RAD51D: variants seen among roughly 807,000 people sequenced by gnomAD.
RAD51D encodes the protein DNA repair protein RAD51 homolog 4.
Under a neutral mutation model 44.1 loss-of-function variants are expected in RAD51D, and 38 were observed. The observed-to-expected ratio is 0.86, with a 90% CI of 0.67 to 1.13. The LOEUF (loss-of-function observed/expected upper bound fraction) is 1.13, where lower values mean the gene tolerates loss of function less well. Ranked by LOEUF, RAD51D falls within the 50% of genes most tolerant of loss-of-function variation. The probability of loss-of-function intolerance (pLI) is 0.00; values close to 1 mark genes in which losing one functional copy is unlikely to be tolerated. For synonymous variants in RAD51D, 141 were observed against 166.6 expected (o/e 0.85, Z 1.18); for missense variants, 390 against 414.0 (o/e 0.94, Z 0.50).
chr17:35,106,493 G>C lies in RAD51D; in HGVS notation c.481-12C>G. Reference sequence around the variant, plus strand: ...CGGAGAGCTTCTGCCTGAAGCGGTGGAAAAGAAAAGCAAGGACTTTGGATA... The same window carrying C: ...CGGAGAGCTTCTGCCTGAAGCGGTGCAAAAGAAAAGCAAGGACTTTGGATA... On this transcript the variant is annotated splice_polypyrimidine_tract_variant and intron_variant, in intron 5 of 9. Transcript: ENST00000345365. The C allele has an allele frequency of 6.2e-7, 1 of 1,601,896 alleles. No homozygotes were observed. Among genetic ancestry groups the C allele is most frequent in the South Asian group, 1.1e-5 (1 of 89,840 alleles).
intron 6 of RAD51D, among the ~76,000 whole-genome samples, chr17:35,104,605 G>A (rs958217861): frequency 6.6e-6 from 1 of 152,132 alleles, no homozygotes. Context: ...GGCTGGTCTC[G>A]AAATCCGGCC....
intron 3 of RAD51D, among the ~76,000 whole-genome samples, chr17:35,111,252 G>GTGCC (rs1305941745): frequency 1.3e-5 from 2 of 150,044 alleles, no homozygotes; most frequent in Non-Finnish European, 3.0e-5. Context: ...CTGGTGGCAT[G>GTGCC]TGCCTGTAGG....
At chr17:35,107,307 G>A in intron 4 of RAD51D, 59 bp downstream of exon 4, 1 of 1,492,670 alleles carries the variant, frequency 6.7e-7, no homozygotes, top group Non-Finnish European at 9.3e-7. Flanking sequence ...CAGGGACCCT[G>A]GGCTATGCAT....
At chr17:35,105,970 T>C (rs990203883) in intron 6 of RAD51D, among the ~76,000 whole-genome samples, 1 of 152,106 alleles carries the variant, frequency 6.6e-6, no homozygotes, top group Admixed American at 6.6e-5. Context: ...TTTGCAACCA[T>C]GAGGGGAAGA....
chr17:35,099,110 T>G lies in RAD51D; in HGVS notation c.*1843A>C, dbSNP rs1260771388. 6.6e-6 allele frequency: 1 copy of G among 152,202 alleles called. No homozygotes were observed. The highest frequency in any genetic ancestry group is 1.9e-4 in the East Asian group (1 of 5,196). 9.4% of individuals were successfully genotyped at this position (152,202 alleles called of 1,614,324 possible). On this transcript the variant is annotated 3_prime_UTR_variant, in exon 10 of 10. Coordinates refer to ENST00000345365, the MANE Select transcript of RAD51D (RefSeq NM_002878.4). ...CTCAAGTGATCCTCCCGCCTCAGGC[T>G]CCCAAAGTGCTACCATTATAGGTGT... is the stretch of plus-strand genomic sequence containing the variant.
intron 3 of RAD51D, among the ~76,000 whole-genome samples, chr17:35,114,919 G>A (rs2091718922): frequency 6.6e-6 from 1 of 151,620 alleles, no homozygotes; most frequent in South Asian, 2.1e-4. Flanking sequence ...TGATTCTAAC[G>A]TGCAGCTGGG....
chr17:35,117,073 A>G (rs778737382), intron 3 of RAD51D: 14 of 1,580,778 alleles, frequency 8.9e-6, no homozygotes, highest in Middle Eastern at 1.7e-4. Context: ...CCCAAGGCCA[A>G]TCGGCTTCCT....
rs56026142 is a variant in RAD51D, at chr17:35,118,568, C to A, written c.196G>T (p.Val66Leu). 1.2e-6 allele frequency: 2 copies of A among 1,614,178 alleles called. No homozygotes were observed. The highest frequency in any genetic ancestry group is 1.3e-5 in the African/African-American group (1 of 75,058). The part of the protein sequence containing the change: ...VLLAQFSAFP[V>L]NGADLYEELK... ...TCCTCGTAGAGATCAGCGCCATTCA[C>A]GGGGAAAGCCGAGAACTGAGCCAGC... Residue 66 changes from valine (V) to leucine (L), a missense_variant, in exon 3 of 10, where the codon GTG (valine) becomes TTG (leucine). By Grantham distance (32) the Val-to-Leu change is conservative. Coordinates refer to ENST00000345365, the MANE Select transcript of RAD51D (RefSeq NM_002878.4).
In RAD51D at chr17:35,119,779, G is replaced by A. The variant is rs773865168; in HGVS notation, c.-166C>T. 285 of 751,924 alleles carry A rather than the reference G, an allele frequency of 3.8e-4. 2 individuals are homozygous for A. The highest frequency in any genetic ancestry group is 4.0e-4 in the Non-Finnish European group (173 of 433,758). 46.6% of individuals were successfully genotyped at this position (751,924 alleles called of 1,614,324 possible). On this transcript the variant is annotated 5_prime_UTR_variant, in exon 1 of 10. Coordinates refer to ENST00000345365, the MANE Select transcript of RAD51D (RefSeq NM_002878.4). ...AGGAGGCGGCACCAAGGGTAGGGCT[G>A]GGGGTCATCCGCCCGCCCGGGATCC...
chr17:35,119,282 C>A, intron 1 of RAD51D, 110 bp from the exon 2 acceptor site: 1 of 1,075,798 alleles, frequency 9.3e-7, no homozygotes. Context: ...GGCAGGCCGT[C>A]TCAGGAGGCC....
chr17:35,116,854 T>C (rs936659625), intron 3 of RAD51D: 15 of 1,514,366 alleles, frequency 9.9e-6, no homozygotes, highest in East Asian at 2.4e-5. Flanking sequence ...AATGAAATAA[T>C]GTACCGTGAA....
At position 35,101,046 on chromosome 17, in the gene RAD51D, GAAGT is replaced by G. The variant is rs1357935702; in HGVS notation, c.904-14_904-11del. On this transcript the variant is annotated splice_polypyrimidine_tract_variant and intron_variant, in intron 9 of 9. Coordinates refer to ENST00000345365, the MANE Select transcript of RAD51D (RefSeq NM_002878.4). ...CCTGGAAACCTGTTGGCTGGAAGAA[GAAGT>G]AAGGAGTCAGTGGAGTTAAGCAACC... 2 of 1,612,086 alleles carry G rather than the reference GAAGT, an allele frequency of 1.2e-6. No individual in the cohort carries two copies. The highest frequency in any genetic ancestry group is 1.7e-6 in the Non-Finnish European group (2 of 1,178,204).
intron 4 of RAD51D, 104 bp from the exon 5 acceptor site, chr17:35,107,226 C>A: frequency 1.3e-6 from 2 of 1,498,758 alleles, no homozygotes; most frequent in South Asian, 2.3e-5. Context: ...TGGGCTGAGT[C>A]CCGACCCCAT....
intron 3 of RAD51D, among the ~76,000 whole-genome samples, chr17:35,111,276 C>T (rs2091672216): frequency 6.6e-6 from 1 of 151,046 alleles, no homozygotes; most frequent in South Asian, 2.1e-4. Flanking sequence ...ATCGCTTGAA[C>T]CCGGGAGGCG....
At position 35,106,383 on chromosome 17, in the gene RAD51D, C is replaced by A; in HGVS notation, c.576+3G>T. ...GCAAGGAGGGGCAGAACAGCAGGCTCACCTGCTGGGCCACAGTGCCTCGGA... is the reference window on the plus strand; with the variant it reads ...GCAAGGAGGGGCAGAACAGCAGGCTAACCTGCTGGGCCACAGTGCCTCGGA... On this transcript the variant is annotated splice_donor_region_variant and intron_variant, in intron 6 of 9. Transcript: ENST00000345365. The A allele has an allele frequency of 6.2e-7, 1 of 1,611,206 alleles. No individual in the cohort carries two copies. Among genetic ancestry groups the A allele is most frequent in the Non-Finnish European group, 8.5e-7 (1 of 1,177,976 alleles).
chr17:35,109,724 A>G (rs2091652416), intron 3 of RAD51D, among the ~76,000 whole-genome samples: 1 of 151,706 alleles, frequency 6.6e-6, no homozygotes, highest in Non-Finnish European at 1.5e-5. Context: ...ATGGAGTGCA[A>G]TGGCGTGATC....
intron 3 of RAD51D, chr17:35,116,859 C>T (rs773367679): frequency 2.6e-6 from 4 of 1,522,648 alleles, no homozygotes; most frequent in East Asian, 2.4e-5. Context: ...AATAATGTAC[C>T]GTGAAGTGCT....
At chr17:35,111,354 C>CAAAAA (rs60278898) in intron 3 of RAD51D, among the ~76,000 whole-genome samples, 129 of 127,388 alleles carry the variant, frequency 1.0e-3, no homozygotes, top group African/African-American at 3.6e-3. Flanking sequence ...AACTCCATCT[C>CAAAAA]AAAAAAAAAA....
rs2142480259 is a variant in RAD51D at position 35,119,547 on chromosome 17, G to C, written c.67C>G (p.His23Asp). ...TEEMIQLLRS[H>D]RIKTVVDLVS... ...ACCCGGTCACCTGTCTTGATCCTGT[G>C]GCTCCTGAGAAGCTGGATCATCTCC... Residue 23 changes from histidine (H) to aspartate (D), a missense_variant, in exon 1 of 10, where the codon CAC (histidine) becomes GAC (aspartate). His to Asp is a moderately conservative substitution (Grantham distance 81). Coordinates refer to ENST00000345365, the MANE Select transcript of RAD51D (RefSeq NM_002878.4). 1 of 1,612,460 alleles carries C rather than the reference G, an allele frequency of 6.2e-7. No individual in the cohort carries two copies. The highest frequency in any genetic ancestry group is 8.5e-7 in the Non-Finnish European group (1 of 1,179,922).
Sources: gnomAD v4.1 joint callset for allele counts (sites outside exome capture counted in the v4.1 genomes callset) on GRCh38, gnomAD v4.1.1 for gene constraint, MANE v1.5 for transcripts, NCBI Gene and HGNC (gene_info 2026-07-23, HGNC 2026-07-21) for gene names.